Variants in ZDHHC14 observed in about 807,000 individuals in gnomAD.
The protein encoded by ZDHHC14 is palmitoyltransferase ZDHHC14.
A neutral mutation model predicts 47.7 loss-of-function variants in ZDHHC14; 16 were observed. That is an observed-to-expected ratio of 0.34 (90% CI 0.23 to 0.51). ZDHHC14 has a LOEUF of 0.51. ZDHHC14 is among the 20% of genes least tolerant of loss of function. The pLI is 0.97. For missense variants in ZDHHC14, 515 were observed against 662.5 expected, an observed-to-expected ratio of 0.78 and a Z score of 2.44; for synonymous variants, 293 against 278.9, an observed-to-expected ratio of 1.05 and a Z score of -0.50.
intron 1 of ZDHHC14, among the ~76,000 whole-genome samples, chr6:157,440,948 G>A (rs1778549799): frequency 6.6e-6 from 1 of 152,132 alleles, no homozygotes; most frequent in Admixed American, 6.5e-5. Context: ...TACTTTAAAT[G>A]GGTAATTTTA....
intron 1 of ZDHHC14, among the ~76,000 whole-genome samples, chr6:157,410,085 C>T (rs1777844851): frequency 6.6e-6 from 1 of 152,148 alleles, no homozygotes; most frequent in Non-Finnish European, 1.5e-5. Flanking sequence ...CCCGCGCTGG[C>T]AGCTGTTCTA....
At chr6:157,468,788 G>A (rs886829718) in intron 1 of ZDHHC14, among the ~76,000 whole-genome samples, 9 of 152,200 alleles carry the variant, frequency 5.9e-5, no homozygotes, top group African/African-American at 2.2e-4. Context: ...TGTGTGCCAA[G>A]CACATTCTTA....
At chr6:157,620,776 CTCAGGGCA>C (rs753846053) in intron 3 of ZDHHC14, among the ~76,000 whole-genome samples, 50 of 152,318 alleles carry the variant, frequency 3.3e-4, no homozygotes, top group South Asian at 1.0e-3. Context: ...GCTTTGGGTC[CTCAGGGCA>C]CTCTGGCACA....
intron 1 of ZDHHC14, among the ~76,000 whole-genome samples, chr6:157,399,634 C>G (rs1456546454): frequency 1.3e-5 from 2 of 152,260 alleles, no homozygotes; most frequent in Non-Finnish European, 2.9e-5. Context: ...CCTTGGTGGA[C>G]TTCCCACCAC....
At chr6:157,532,386 T>C (rs1781397151) in intron 1 of ZDHHC14, among the ~76,000 whole-genome samples, 1 of 152,170 alleles carries the variant, frequency 6.6e-6, no homozygotes, top group Non-Finnish European at 1.5e-5. Context: ...ACATTGCCGG[T>C]GTTGAGGAGA....
At chr6:157,560,369 T>A (rs978015631) in intron 2 of ZDHHC14, among the ~76,000 whole-genome samples, 1 of 152,268 alleles carries the variant, frequency 6.6e-6, no homozygotes, top group Non-Finnish European at 1.5e-5. Flanking sequence ...CACGTCCTCG[T>A]GAATCACCTT....
chr6:157,559,635 A>T (rs577860560), intron 2 of ZDHHC14, among the ~76,000 whole-genome samples: 1 of 152,294 alleles, frequency 6.6e-6, no homozygotes, highest in African/African-American at 2.4e-5. Context: ...TCAGTTAAAG[A>T]CATACTCCAT....
chr6:157,631,597 T>G (rs952037012), intron 4 of ZDHHC14: 4 of 152,090 alleles, frequency 2.6e-5, no homozygotes, highest in Admixed American at 1.3e-4. Context: ...GATCCTGGGC[T>G]CTTAGGGAAA....
At chr6:157,386,246 C>T (rs1334696115) in intron 1 of ZDHHC14, among the ~76,000 whole-genome samples, 2 of 152,276 alleles carry the variant, frequency 1.3e-5, no homozygotes, top group East Asian at 3.9e-4. Context: ...GTGGTTCACG[C>T]CTTTAATCCT....
At chr6:157,394,688 C>T (rs569384738) in intron 1 of ZDHHC14, among the ~76,000 whole-genome samples, 28 of 152,326 alleles carry the variant, frequency 1.8e-4, no homozygotes, top group African/African-American at 5.8e-4. Flanking sequence ...GCAGTTCCTG[C>T]GGCGCTCTGC....
At chr6:157,404,205 C>T (rs1251413852) in intron 1 of ZDHHC14, among the ~76,000 whole-genome samples, 5 of 151,618 alleles carry the variant, frequency 3.3e-5, no homozygotes, top group Admixed American at 1.3e-4. Flanking sequence ...GGTGTGATCT[C>T]GGCTCACTGC....
At chr6:157,555,893 G>A (rs1782438523) in intron 2 of ZDHHC14, among the ~76,000 whole-genome samples, 1 of 152,202 alleles carries the variant, frequency 6.6e-6, no homozygotes, top group Non-Finnish European at 1.5e-5. Flanking sequence ...CTGCTGTAAT[G>A]TGAACTGAAT....
intron 3 of ZDHHC14, among the ~76,000 whole-genome samples, chr6:157,599,004 T>C (rs1784237190): frequency 1.3e-5 from 2 of 152,222 alleles, no homozygotes. Context: ...TAAAAAACTT[T>C]TATAAATCTT....
At chr6:157,515,064 A>G (rs1256685629) in intron 1 of ZDHHC14, among the ~76,000 whole-genome samples, 1 of 152,188 alleles carries the variant, frequency 6.6e-6, no homozygotes, top group Non-Finnish European at 1.5e-5. Context: ...CCAGTTTTCC[A>G]GCATGTCCTG....
intron 1 of ZDHHC14, among the ~76,000 whole-genome samples, chr6:157,480,356 C>T (rs1292214779): frequency 2.0e-5 from 3 of 150,772 alleles, no homozygotes; most frequent in African/African-American, 7.3e-5. Flanking sequence ...CAACCTCTGC[C>T]ACCCGAGTTC....
At chr6:157,670,721 T>G (rs985772193) in intron 8 of ZDHHC14, among the ~76,000 whole-genome samples, 61 of 152,132 alleles carry the variant, frequency 4.0e-4, no homozygotes, top group African/African-American at 1.4e-3. Flanking sequence ...GCAATTGCAC[T>G]GTCCAGGCTA....
At chr6:157,630,887 C>T (rs1017389135) in intron 4 of ZDHHC14, 23 of 130,610 alleles carry the variant, frequency 1.8e-4, no homozygotes, top group African/African-American at 6.5e-4. Flanking sequence ...CTTACACACA[C>T]ATCCTTACCC....
At chr6:157,633,581 C>A (rs923673828) in intron 5 of ZDHHC14, among the ~76,000 whole-genome samples, 2 of 152,306 alleles carry the variant, frequency 1.3e-5, no homozygotes, top group South Asian at 2.1e-4. Flanking sequence ...GTCAGTGACC[C>A]AGTTCTCTTT....
intron 3 of ZDHHC14, among the ~76,000 whole-genome samples, chr6:157,607,884 G>A (rs1784602037): frequency 6.6e-6 from 1 of 152,196 alleles, no homozygotes; most frequent in Non-Finnish European, 1.5e-5. Context: ...GCTTTCTGAG[G>A]GCTTGTATCA....
Sources: gnomAD v4.1 joint callset for allele counts (sites outside exome capture counted in the v4.1 genomes callset) on GRCh38, gnomAD v4.1.1 for gene constraint, MANE v1.5 for transcripts, NCBI Gene and HGNC (gene_info 2026-07-23, HGNC 2026-07-21) for gene names.